The following GGH variants were observed in gnomAD, a reference collection of about 807,000 sequenced individuals.
GGH encodes gamma-glutamyl hydrolase.
In GGH, 18 loss-of-function variants were observed where a neutral mutation model predicts 39.2. The observed-to-expected ratio is 0.46, with a 90% CI of 0.32 to 0.68. The LOEUF (loss-of-function observed/expected upper bound fraction) is 0.68, where lower values mean the gene tolerates loss of function less well. Ranked by LOEUF, GGH falls within the 30% of genes least tolerant of loss-of-function variation. The pLI, the probability that GGH is intolerant of heterozygous loss-of-function variation, is 0.04. For synonymous variants in GGH, 147 were observed against 138.8 expected, an observed-to-expected ratio of 1.06 and a Z score of -0.42; for missense variants, 367 against 384.1, an observed-to-expected ratio of 0.96 and a Z score of 0.37.
chr8:63,028,998 T>G (rs1252127403), intron 3 of GGH, among the ~76,000 whole-genome samples: 2 of 152,252 alleles, frequency 1.3e-5, no homozygotes, highest in African/African-American at 4.8e-5. Flanking sequence ...GTAAATGTTT[T>G]ACTAAATTGA....
chr8:63,034,905 T>C (rs572781404), intron 2 of GGH, among the ~76,000 whole-genome samples: 1 of 152,282 alleles, frequency 6.6e-6, no homozygotes, highest in Non-Finnish European at 1.5e-5. Context: ...CAATAGCCTT[T>C]GGGGTAAAAA....
rs546747252 is a variant in GGH at position 63,030,644 on chromosome 8, G to A, written c.225-427C>T. Among the ~76,000 whole-genome samples, 60 of 152,082 alleles carry A rather than the reference G, an allele frequency of 3.9e-4. 1 individual carries two copies. The highest frequency in any genetic ancestry group is 7.4e-4 in the Non-Finnish European group (50 of 68,012). On this transcript the variant is annotated intron_variant, in intron 2 of 8. Coordinates refer to ENST00000260118, the MANE Select transcript of GGH (RefSeq NM_003878.3). Reference sequence around the variant, plus strand: ...AGGAAGCTCTGGCAGATTAAAAAATGCATAAATAAATGCCAAGTCGCTGCC... The same window carrying A: ...AGGAAGCTCTGGCAGATTAAAAAATACATAAATAAATGCCAAGTCGCTGCC...
chr8:63,025,140 C>T (rs1297464318), intron 5 of GGH: 1 of 152,126 alleles, frequency 6.6e-6, no homozygotes, highest in Admixed American at 6.5e-5. Flanking sequence ...GGTCTTTGTC[C>T]TGGGTTCCTG....
At position 63,017,627 on chromosome 8, in the gene GGH, T is replaced by C. The variant is rs757614354; in HGVS notation, c.701A>G (p.Tyr234Cys). ...CTGGACACCATATACTGGATACTTA[T>C]ATCCTGTAAGAAGAACACAAATTAG... Reference protein sequence around the residue: ...KIEFISTMEGYKYPVYGVQWH... With the variant: ...KIEFISTMEGCKYPVYGVQWH... The change falls in exon 8 of 9, where the codon TAT (tyrosine) becomes TGT (cysteine). Residue 234 changes from tyrosine (Y) to cysteine (C), a missense_variant. Coordinates refer to ENST00000260118, the MANE Select transcript of GGH (RefSeq NM_003878.3). 2.0e-5 allele frequency: 32 copies of C among 1,572,414 alleles called. No individual in the cohort carries two copies. The Middle Eastern group carries it at 3.0e-3, about 148-fold the overall frequency.
chr8:63,025,391 T>G (rs2129653726), intron 5 of GGH: 1 of 152,302 alleles, frequency 6.6e-6, no homozygotes, highest in Non-Finnish European at 1.5e-5. Context: ...TATTTCATAA[T>G]AACGTTCCAG....
rs147030498 is a variant in GGH at position 63,027,126 on chromosome 8, C to T, written c.360+55G>A. On this transcript the variant is annotated intron_variant, in intron 4 of 8. Coordinates refer to ENST00000260118, the MANE Select transcript of GGH (RefSeq NM_003878.3). ...CCATCTGCTTAAAAAATGAACCACT[C>T]GCACAAAAACTTACAGAAACCCATC... 399 of 851,236 alleles carry T rather than the reference C, an allele frequency of 4.7e-4. 1 individual carries two copies. In the African/African-American group the frequency reaches 5.7e-3, roughly 12 times the overall value. The allele number at this position is 851,236 out of a possible 1,614,324, so 52.7% of individuals were successfully genotyped here.
chr8:63,034,197 G>A (rs1804859175), intron 2 of GGH, among the ~76,000 whole-genome samples: 1 of 151,374 alleles, frequency 6.6e-6, no homozygotes, highest in Non-Finnish European at 1.5e-5. Flanking sequence ...GCGTTATATG[G>A]GCTTCAAATA....
intron 1 of GGH, among the ~76,000 whole-genome samples, chr8:63,037,767 A>T (rs752086703): frequency 2.0e-5 from 3 of 152,180 alleles, no homozygotes; most frequent in Non-Finnish European, 4.4e-5. Flanking sequence ...GCTTGAGTTA[A>T]TTCGTGGAGA....
At chr8:63,025,292 T>A (rs892869075) in intron 5 of GGH, 1 of 152,148 alleles carries the variant, frequency 6.6e-6, no homozygotes, top group African/African-American at 2.4e-5. Context: ...GATTAGAAAG[T>A]TGAAACTTCG....
chr8:63,026,810 G>C (rs1226824265), intron 4 of GGH, among the ~76,000 whole-genome samples: 2 of 152,006 alleles, frequency 1.3e-5, no homozygotes, highest in East Asian at 1.9e-4. Context: ...CAATAGGATT[G>C]AATGAGTTGG....
chr8:63,037,915 T>C (rs763221337), intron 1 of GGH, among the ~76,000 whole-genome samples: 4 of 152,144 alleles, frequency 2.6e-5, no homozygotes, highest in Admixed American at 6.5e-5. Context: ...ATAATATTCA[T>C]AGAAAAAAAT....
intron 4 of GGH, among the ~76,000 whole-genome samples, chr8:63,026,748 G>A (rs1413228576): frequency 1.3e-5 from 2 of 152,172 alleles, no homozygotes; most frequent in Non-Finnish European, 2.9e-5. Context: ...AGAAGTCAGA[G>A]GCTCAGAAGC....
intron 5 of GGH, chr8:63,024,925 T>C (rs1412513009): frequency 6.6e-6 from 1 of 152,210 alleles, no homozygotes; most frequent in Non-Finnish European, 1.5e-5. Context: ...ACCAGGTTTT[T>C]GCAATTATTA....
chr8:63,026,830 C>T (rs1000376916), intron 4 of GGH, among the ~76,000 whole-genome samples: 1 of 151,402 alleles, frequency 6.6e-6, no homozygotes, highest in African/African-American at 2.4e-5. Flanking sequence ...GGAAGAAGAA[C>T]AGATTTCAAG....
At chr8:63,020,658 G>A (rs938140084) in intron 7 of GGH, among the ~76,000 whole-genome samples, 1 of 152,170 alleles carries the variant, frequency 6.6e-6, no homozygotes, top group Non-Finnish European at 1.5e-5. Context: ...TCAGAGAAGA[G>A]GAAAGCACAT....
intron 7 of GGH, among the ~76,000 whole-genome samples, chr8:63,022,643 T>C (rs540629093): frequency 6.6e-5 from 10 of 152,052 alleles, no homozygotes; most frequent in South Asian, 6.2e-4. Context: ...CAACTCCAAG[T>C]AGCTGGGACT....
intron 2 of GGH, among the ~76,000 whole-genome samples, chr8:63,033,214 T>C (rs11990678): frequency 0.08 from 12,134 of 152,310 alleles, 493 homozygotes; most frequent in South Asian, 0.17. Flanking sequence ...ACTGTAACAG[T>C]TGATAAAAAT....
intron 8 of GGH, 34 bp downstream of exon 8, chr8:63,017,459 C>T (rs1438825257): frequency 1.3e-6 from 2 of 1,518,868 alleles, no homozygotes; most frequent in South Asian, 2.4e-5. Flanking sequence ...TCAAAACTAC[C>T]CCAGAATAAC....
intron 5 of GGH, among the ~76,000 whole-genome samples, chr8:63,025,936 TA>T (rs1158378507): frequency 4.6e-5 from 7 of 152,162 alleles, no homozygotes; most frequent in Admixed American, 3.9e-4. Flanking sequence ...AATGAGTTAT[TA>T]AAATTCACAA....
Sources: allele counts gnomAD v4.1 joint callset (sites outside exome capture counted in the v4.1 genomes callset), GRCh38; gene constraint gnomAD v4.1.1; transcripts MANE v1.5; gene names NCBI Gene and HGNC (gene_info 2026-07-23, HGNC 2026-07-21).